Variants in PARP2 observed in about 807,000 individuals in gnomAD.
The protein encoded by PARP2 is poly [ADP-ribose] polymerase 2.
A neutral mutation model predicts 77.8 loss-of-function variants in PARP2; 57 were observed. That is an observed-to-expected ratio of 0.73 (90% confidence interval 0.59 to 0.91). The LOEUF is 0.91. PARP2 is among the 40% of genes least tolerant of loss of function. PARP2 has a pLI of 0.00. For synonymous variants in PARP2, 226 were observed against 242.6 expected (o/e 0.93, Z 0.64); for missense variants, 651 against 689.0 (o/e 0.94, Z 0.62).
intron 5 of PARP2, 158 bp downstream of exon 5, chr14:20,350,780 A>G (rs1369665169): frequency 1.6e-6 from 1 of 614,272 alleles, no homozygotes; most frequent in Non-Finnish European, 2.9e-6. Flanking sequence ...AAATTGGGGA[A>G]TGGCAGGCAT....
At position 20,351,157 on chromosome 14, in the gene PARP2, C is replaced by T. The variant is rs1346928228; in HGVS notation, c.497+35C>T. 5.2e-6 allele frequency: 8 copies of T among 1,525,632 alleles called. 1 individual carries two copies. In the South Asian group the frequency reaches 6.8e-5, roughly 13 times the overall value. The allele number at this position is 1,525,632 out of a possible 1,614,324, so 94.5% of individuals were successfully genotyped here. ...GAAAAGTGACTACAAAAAAATATAC[C>T]CTCCTCTTCTTAGATGTATATTCTC... is the stretch of plus-strand genomic sequence containing the variant. On this transcript the variant is annotated intron_variant, in intron 6 of 15. Transcript: ENST00000429687.
Position 20,354,180 on chromosome 14 carries a change from C to G in PARP2, c.696C>G (p.Ile232Met). The G allele has an allele frequency of 6.2e-7, 1 of 1,613,246 alleles. No homozygotes were observed. The highest frequency in any genetic ancestry group is 1.1e-5 in the South Asian group (1 of 91,064). ...GGGTACAGGAGTTAATAAAGTTGAT[C>G]TGTAATGTTCAGGCCATGGAAGAAA... ...DLRVQELIKL[I>M]CNVQAMEEMM... Residue 232 changes from isoleucine (I) to methionine (M), a missense_variant, in exon 8 of 16, where the codon ATC becomes ATG. By Grantham distance (10) the Ile-to-Met change is conservative. Coordinates refer to ENST00000429687, the MANE Select transcript of PARP2 (RefSeq NM_001042618.2).
In PARP2 at chr14:20,345,411, C is replaced by A; in HGVS notation, c.220C>A (p.Leu74Met). 6.2e-7 allele frequency: 1 copy of A among 1,613,724 alleles called. No individual in the cohort carries two copies. The highest frequency in any genetic ancestry group is 8.5e-7 in the Non-Finnish European group (1 of 1,179,648). The change falls in exon 3 of 16, where the codon CTG becomes ATG. Residue 74 changes from leucine (L) to methionine (M), a missense_variant. Coordinates refer to ENST00000429687, the MANE Select transcript of PARP2 (RefSeq NM_001042618.2). ...TTCCTCAGAATCTGTGAAGGCCTTG[C>A]TGTTAAAGGGCAAAGCTCCTGTGGA... ...DKQDESVKALLLKGKAPVDPE... is the reference protein window; with the variant it reads ...DKQDESVKALMLKGKAPVDPE...
chr14:20,347,360 A>ATGTG (rs1566418252), intron 4 of PARP2, among the ~76,000 whole-genome samples: 7 of 8,386 alleles, frequency 8.3e-4, no homozygotes, highest in South Asian at 5.2e-3. Context: ...GTGTGTGTAT[A>ATGTG]TATATATATA....
At position 20,352,353 on chromosome 14, in the gene PARP2, TCTC is replaced by T; in HGVS notation, c.600+7_600+9del. On this transcript the variant is annotated splice_region_variant and intron_variant, in intron 7 of 15. Coordinates refer to ENST00000429687, the MANE Select transcript of PARP2 (RefSeq NM_001042618.2). Reference sequence around the variant, plus strand: ...ACTATGCCACCAATACTCAGGTAACTCTCACTATACTTTTCGAAAGAAACACAT... The same window carrying T: ...ACTATGCCACCAATACTCAGGTAACTACTATACTTTTCGAAAGAAACACAT... 2 of 1,502,216 alleles carry T rather than the reference TCTC, an allele frequency of 1.3e-6. No homozygotes were observed. The highest frequency in any genetic ancestry group is 1.9e-6 in the Non-Finnish European group (2 of 1,079,556). The allele number at this position is 1,502,216 out of a possible 1,614,324, so 93.1% of individuals were successfully genotyped here.
Position 20,347,354 on chromosome 14 carries a change from G to A in PARP2, c.324+441G>A, listed in dbSNP as rs867072717. Among the ~76,000 whole-genome samples the A allele has an allele frequency of 2.1e-3, 94 of 43,916 alleles. 2 individuals carry two copies. The highest frequency in any genetic ancestry group is 0.013 in the African/African-American group (74 of 5,676). 28.8% of individuals were successfully genotyped at this position (43,916 alleles called of 152,430 possible). A position where few individuals can be genotyped will look rare whatever the true frequency, so the allele number is the denominator to read the frequency against. ...TGCCTAAAGTCCTTCATATGTGTGT[G>A]TGTATATATATATATATATATATAT... On this transcript the variant is annotated intron_variant, in intron 4 of 15. Transcript: ENST00000429687.
chr14:20,356,089 C>T, intron 11 of PARP2, 58 bp downstream of exon 11: 3 of 1,571,356 alleles, frequency 1.9e-6, no homozygotes, highest in Non-Finnish European at 1.7e-6. Context: ...CTCCCCCATC[C>T]CACTGTTCTC....
chr14:20,356,071 T>C (rs1443710264), intron 11 of PARP2, 40 bp downstream of exon 11: 1 of 1,601,780 alleles, frequency 6.2e-7, no homozygotes, highest in East Asian at 2.2e-5. Flanking sequence ...TCTTGCACCC[T>C]TAACCACCTC....
chr14:20,352,384 T>G (rs572069074), intron 7 of PARP2, 37 bp downstream of exon 7: 2 of 1,265,532 alleles, frequency 1.6e-6, no homozygotes, highest in African/African-American at 3.0e-5. Flanking sequence ...AAACACATCT[T>G]CTTTTTTTAT....
Position 20,345,054 on chromosome 14 carries a change from G to A in PARP2, c.169G>A (p.Ala57Thr). The change falls in exon 2 of 16, where the codon GCT (alanine) becomes ACT (threonine). Residue 57 changes from alanine to threonine, a missense_variant. Physicochemically the swap from Ala to Thr is moderately conservative, Grantham distance 58 (BLOSUM62 0). Transcript: ENST00000429687. The part of the protein sequence containing the change: ...SKKMPVAGGK[A>T]NKDRTEDKQD... ...AAAGATGCCTGTGGCTGGAGGAAAA[G>A]CTAATAAGGACAGGACAGAAGACAA... 2 of 1,614,144 alleles carry A rather than the reference G, an allele frequency of 1.2e-6. No homozygotes were observed. The highest frequency in any genetic ancestry group is 8.5e-7 in the Non-Finnish European group (1 of 1,179,996).
chr14:20,345,934 C>T (rs985064119), intron 3 of PARP2, among the ~76,000 whole-genome samples: 11 of 152,032 alleles, frequency 7.2e-5, no homozygotes, highest in Admixed American at 6.6e-5. Flanking sequence ...AGGTGTCACA[C>T]GCTTTTAAAC....
At chr14:20,345,209 C>A in intron 2 of PARP2, 122 bp downstream of exon 2, 1 of 1,179,502 alleles carries the variant, frequency 8.5e-7, no homozygotes, top group Non-Finnish European at 1.2e-6. Context: ...TTTCTCTATC[C>A]TTTGGGCATA....
chr14:20,347,273 C>A (rs1883761080), intron 4 of PARP2, among the ~76,000 whole-genome samples: 2 of 143,240 alleles, frequency 1.4e-5, no homozygotes, highest in South Asian at 4.4e-4. Context: ...TTCAAGTGAT[C>A]CACCCACCTC....
intron 6 of PARP2, among the ~76,000 whole-genome samples, chr14:20,351,446 G>A (rs533826430): frequency 5.3e-5 from 8 of 152,208 alleles, no homozygotes; most frequent in East Asian, 1.9e-4. Context: ...CCCAAAGTGC[G>A]GGATTACAGG....
In PARP2 at chr14:20,345,381, T is replaced by C; in HGVS notation, c.203-13T>C. On this transcript the variant is annotated splice_polypyrimidine_tract_variant and intron_variant, in intron 2 of 15. Coordinates refer to ENST00000429687, the MANE Select transcript of PARP2 (RefSeq NM_001042618.2). ...TGATTCCCATAAAGTAGTACCTATC[T>C]GTCTTTCCTCAGAATCTGTGAAGGC... is the stretch of plus-strand genomic sequence containing the variant. 1 of 1,608,086 alleles carries C rather than the reference T, an allele frequency of 6.2e-7. No homozygotes were observed. The highest frequency in any genetic ancestry group is 1.1e-5 in the South Asian group (1 of 90,864).
chr14:20,346,843 T>TTC lies in PARP2; in HGVS notation c.274-11_274-10dup. The TTC allele has an allele frequency of 6.4e-7, 1 of 1,559,844 alleles. No individual in the cohort carries two copies. Among genetic ancestry groups the TTC allele is most frequent in the Non-Finnish European group, 8.8e-7 (1 of 1,135,530 alleles). On this transcript the variant is annotated intron_variant, in intron 3 of 15. Coordinates refer to ENST00000429687, the MANE Select transcript of PARP2 (RefSeq NM_001042618.2). ...CTGAACCTATACTAATGTTGATTTTTTCTCTCTCTCCCTTTCTAGGCTCAT... is the reference window on the plus strand; with the variant it reads ...CTGAACCTATACTAATGTTGATTTTTTCTCTCTCTCTCCCTTTCTAGGCTCAT...
chr14:20,351,667 CAT>C (rs1365569820), intron 6 of PARP2, among the ~76,000 whole-genome samples: 1 of 152,104 alleles, frequency 6.6e-6, no homozygotes, highest in Non-Finnish European at 1.5e-5. Flanking sequence ...ATATTTAACA[CAT>C]GACTGACAAA....
At position 20,346,838 on chromosome 14, in the gene PARP2, ATTTTTTCTCTCTCTCCC is replaced by A; in HGVS notation, c.274-21_274-5del. 1.3e-6 allele frequency: 2 copies of A among 1,550,130 alleles called. No individual in the cohort carries two copies. The highest frequency in any genetic ancestry group is 1.8e-6 in the Non-Finnish European group (2 of 1,127,384). On this transcript the variant is annotated splice_region_variant and splice_polypyrimidine_tract_variant and intron_variant, in intron 3 of 15. Transcript: ENST00000429687. ...CAGGGCTGAACCTATACTAATGTTGATTTTTTCTCTCTCTCCCTTTCTAGGCTCATGTGTATTGTGAA... is the reference window on the plus strand; with the variant it reads ...CAGGGCTGAACCTATACTAATGTTGATTTCTAGGCTCATGTGTATTGTGAA...
chr14:20,349,797 G>A (rs898128409), intron 4 of PARP2, among the ~76,000 whole-genome samples: 2 of 152,034 alleles, frequency 1.3e-5, no homozygotes, highest in Non-Finnish European at 2.9e-5. Flanking sequence ...GAGGTAGGAA[G>A]GGGCAGCATG....
Sources: gnomAD v4.1 joint callset for allele counts (sites outside exome capture counted in the v4.1 genomes callset) on GRCh38, gnomAD v4.1.1 for gene constraint, MANE v1.5 for transcripts, NCBI Gene and HGNC (gene_info 2026-07-23, HGNC 2026-07-21) for gene names.